Variants in CD59 observed in about 807,000 individuals in gnomAD.
The protein encoded by CD59 is CD59 glycoprotein.
Under a neutral mutation model 7.0 loss-of-function variants are expected in CD59, and 3 were observed. That is an observed-to-expected ratio of 0.43 (90% CI 0.19 to 1.10). The LOEUF (loss-of-function observed/expected upper bound fraction) is 1.10. Ranked by LOEUF, CD59 falls within the 50% of genes least tolerant of loss-of-function variation. The pLI, the probability that CD59 is intolerant of heterozygous loss-of-function variation, is 0.29. For missense variants in CD59, 143 were observed against 151.0 expected, an observed-to-expected ratio of 0.95 and a Z score of 0.28; for synonymous variants, 60 against 62.0, an observed-to-expected ratio of 0.97 and a Z score of 0.15.
chr11:33,730,249 T>A (rs1471112495), intron 1 of CD59, among the ~76,000 whole-genome samples: 1 of 150,372 alleles, frequency 6.7e-6, no homozygotes. Flanking sequence ...CAAAACCCCA[T>A]CTCTACAAAA....
Position 33,704,843 on chromosome 11 carries a change from G to C in CD59, c.*5283C>G, listed in dbSNP as rs1853245464. ...AGGAGGCTGGCTCTGACAGGAGGTT[G>C]TTTGTGCCACAATTTAAGGACCAAG... On this transcript the variant is annotated 3_prime_UTR_variant, in exon 4 of 4. Transcript: ENST00000642928. 6.6e-6 allele frequency: 1 copy of C among 152,554 alleles called. No homozygotes were observed. The highest frequency in any genetic ancestry group is 2.1e-4 in the South Asian group (1 of 4,828). 9.5% of individuals were successfully genotyped at this position (152,554 alleles called of 1,614,324 possible).
At chr11:33,719,627 TAAATAAAATA>T (rs540281320) in intron 2 of CD59, 1 of 151,950 alleles carries the variant, frequency 6.6e-6, no homozygotes, top group Non-Finnish European at 1.5e-5. Context: ...GTCTAAAAAA[TAAATAAAATA>T]AAATAAAATA....
In CD59 at chr11:33,703,467, A is replaced by C. The variant is rs953460698; in HGVS notation, c.*6659T>G. ...ACTATGTCACCTACCTCTCCACTCA[A>C]ATGCCCCATTAAGTACCATCCTGTT... On this transcript the variant is annotated 3_prime_UTR_variant, in exon 4 of 4. Transcript: ENST00000642928. 8.5e-5 allele frequency: 13 copies of C among 152,118 alleles called. No homozygotes were observed. Among genetic ancestry groups the C allele is most frequent in the Non-Finnish European group, 1.8e-4 (12 of 68,008 alleles). 9.4% of individuals were successfully genotyped at this position (152,118 alleles called of 1,614,324 possible).
intron 1 of CD59, among the ~76,000 whole-genome samples, chr11:33,733,224 G>A (rs1854468663): frequency 6.6e-6 from 1 of 152,232 alleles, no homozygotes; most frequent in African/African-American, 2.4e-5. Flanking sequence ...TTACAGCCCT[G>A]TGAGACCTGT....
intron 2 of CD59, chr11:33,719,163 A>G (rs977885837): frequency 2.0e-5 from 3 of 152,228 alleles, no homozygotes; most frequent in African/African-American, 7.2e-5. Context: ...AGTCCAGTGG[A>G]AGCAAGGTGG....
intron 3 of CD59, 133 bp downstream of exon 3, chr11:33,717,237 C>CA (rs1353885532): frequency 1.4e-6 from 1 of 701,430 alleles, no homozygotes; most frequent in African/African-American, 1.8e-5. Context: ...GTGCTTAGCC[C>CA]AATACACACC....
intron 1 of CD59, among the ~76,000 whole-genome samples, chr11:33,735,645 C>A (rs891910419): frequency 6.6e-6 from 1 of 152,138 alleles, no homozygotes; most frequent in Non-Finnish European, 1.5e-5. Context: ...CGGCCGGGCG[C>A]GGTGGCTCAC....
intron 3 of CD59, among the ~76,000 whole-genome samples, chr11:33,716,836 T>C (rs904067320): frequency 1.3e-5 from 2 of 152,168 alleles, no homozygotes; most frequent in African/African-American, 2.4e-5. Flanking sequence ...CTCCTACGTG[T>C]CCTTTGAGCT....
chr11:33,722,579 T>G lies in CD59; in HGVS notation c.-18-116A>C, dbSNP rs185337420. 76 of 1,530,588 alleles carry G rather than the reference T, an allele frequency of 5.0e-5. No homozygotes were observed. The Admixed American group carries it at 1.3e-3, about 25-fold the overall frequency. 94.8% of individuals were successfully genotyped at this position (1,530,588 alleles called of 1,614,324 possible). A position where few individuals can be genotyped will look rare whatever the true frequency, so the allele number is the denominator to read the frequency against. On this transcript the variant is annotated intron_variant, in intron 1 of 3. Transcript: ENST00000642928. Reference sequence around the variant, plus strand: ...CTGAGAGGAACATTTACAGGGGGAGTCAAGGCACACTGAATCCCTGGGCCA... The same window carrying G: ...CTGAGAGGAACATTTACAGGGGGAGGCAAGGCACACTGAATCCCTGGGCCA...
At position 33,717,389 on chromosome 11, in the gene CD59, C is replaced by T. The variant is rs149071679; in HGVS notation, c.150G>A (p.Ala50=). ...TCTTACCAGCTTTGGTAATGAGACA[C>T]GCATCAAAATCAGATGAACAATTGA... ...TAVNCSSDFD[A]CLITKAGLQV... The change falls in exon 3 of 4, where the codon GCG becomes GCA. Residue 50 remains alanine, a synonymous_variant. Transcript: ENST00000642928. 1,992 of 1,611,810 alleles carry T rather than the reference C, an allele frequency of 1.2e-3. 2 individuals are homozygous for T. The highest frequency in any genetic ancestry group is 1.5e-3 in the Non-Finnish European group (1,757 of 1,177,994).
In CD59 at chr11:33,710,093, G is replaced by T; in HGVS notation, c.*33C>A. 6.7e-7 allele frequency: 1 copy of T among 1,497,826 alleles called. No individual in the cohort carries two copies. The highest frequency in any genetic ancestry group is 9.3e-7 in the Non-Finnish European group (1 of 1,080,130). The allele number at this position is 1,497,826 out of a possible 1,614,324, so 92.8% of individuals were successfully genotyped here. On this transcript the variant is annotated 3_prime_UTR_variant, in exon 4 of 4. Coordinates refer to ENST00000642928, the MANE Select transcript of CD59 (RefSeq NM_000611.6). ...AAGAGAAAGCGGACTACGCAGGAAC[G>T]GGGAGTTTGGGAGAAGCTCTCCTGG...
At chr11:33,721,331 G>A (rs1051722989) in intron 2 of CD59, among the ~76,000 whole-genome samples, 25 of 152,212 alleles carry the variant, frequency 1.6e-4, no homozygotes, top group East Asian at 7.7e-4. Flanking sequence ...TAACAGTACC[G>A]ACCTCCCGGA....
rs1853743508 is a variant in CD59 at position 33,715,416 on chromosome 11, AT to A, written c.169+1953del. Among the ~76,000 whole-genome samples, 5 of 152,142 alleles carry A rather than the reference AT, an allele frequency of 3.3e-5. No individual in the cohort carries two copies. In the South Asian group the frequency reaches 6.2e-4, roughly 19 times the overall value. ...GGAGTTTGAGATGAGCCTGGGCAAA[AT>A]AGTGAAACCCCGTCTCTACTAAAAA... is the stretch of plus-strand genomic sequence containing the variant. On this transcript the variant is annotated intron_variant, in intron 3 of 3. Coordinates refer to ENST00000642928, the MANE Select transcript of CD59 (RefSeq NM_000611.6).
intron 1 of CD59, among the ~76,000 whole-genome samples, chr11:33,729,484 A>C: frequency 6.6e-6 from 1 of 150,424 alleles, no homozygotes; most frequent in South Asian, 2.1e-4. Context: ...ACATGGACAC[A>C]GGGAGGGGAA....
intron 1 of CD59, among the ~76,000 whole-genome samples, chr11:33,728,745 T>C (rs1188485992): frequency 6.6e-6 from 1 of 152,142 alleles, no homozygotes; most frequent in South Asian, 2.1e-4. Context: ...ACCTAAAGAA[T>C]GGGAGAAAAT....
chr11:33,723,794 C>T (rs1854168390), intron 1 of CD59, among the ~76,000 whole-genome samples: 1 of 152,060 alleles, frequency 6.6e-6, no homozygotes, highest in Non-Finnish European at 1.5e-5. Context: ...GACAGGGCTC[C>T]AGTATACAAG....
At chr11:33,712,774 G>A (rs1362237195) in intron 3 of CD59, among the ~76,000 whole-genome samples, 7 of 152,114 alleles carry the variant, frequency 4.6e-5, no homozygotes, top group Admixed American at 4.6e-4. Flanking sequence ...TAAACGTTCT[G>A]GTCTGTGAAT....
At chr11:33,719,949 G>A (rs1235239366) in intron 2 of CD59, among the ~76,000 whole-genome samples, 1 of 152,258 alleles carries the variant, frequency 6.6e-6, no homozygotes, top group Non-Finnish European at 1.5e-5. Context: ...AAGATGAAGG[G>A]TGTTGTTCTT....
chr11:33,728,306 C>G (rs1854316986), intron 1 of CD59, among the ~76,000 whole-genome samples: 1 of 152,182 alleles, frequency 6.6e-6, no homozygotes, highest in South Asian at 2.1e-4. Context: ...CAGCATGGTA[C>G]TGGTACCGAA....
Sources: gnomAD v4.1 joint callset for allele counts (sites outside exome capture counted in the v4.1 genomes callset) on GRCh38, gnomAD v4.1.1 for gene constraint, MANE v1.5 for transcripts, NCBI Gene and HGNC (gene_info 2026-07-23, HGNC 2026-07-21) for gene names.